FRMPD2: variants seen among roughly 807,000 people sequenced by gnomAD.
FRMPD2 encodes the protein FERM and PDZ domain-containing protein 2.
FRMPD2 carries 96 observed loss-of-function variants against 140.1 expected under a neutral mutation model. That is an observed-to-expected ratio of 0.69 (90% confidence interval 0.58 to 0.81). FRMPD2 has a LOEUF of 0.81. Among genes scored for constraint, FRMPD2 ranks in the 40% least tolerant of loss-of-function variants. The pLI is 0.00. For synonymous variants in FRMPD2, 449 were observed against 547.6 expected, an observed-to-expected ratio of 0.82 and a Z score of 2.52; for missense variants, 1,240 against 1,447.4, an observed-to-expected ratio of 0.86 and a Z score of 2.32.
intron 9 of FRMPD2, among the ~76,000 whole-genome samples, chr10:48,233,600 C>T (rs1402127981): frequency 6.6e-6 from 1 of 152,134 alleles, no homozygotes; most frequent in East Asian, 1.9e-4. Context: ...TCTGAAGCTG[C>T]CCTCTGGACA....
intron 14 of FRMPD2, among the ~76,000 whole-genome samples, chr10:48,202,279 G>T (rs1839104423): frequency 6.6e-6 from 1 of 152,054 alleles, no homozygotes; most frequent in African/African-American, 2.4e-5. Flanking sequence ...TAACTTTATA[G>T]AAACAGGGCT....
At chr10:48,208,963 C>T (rs912077231) in intron 13 of FRMPD2, among the ~76,000 whole-genome samples, 1 of 152,182 alleles carries the variant, frequency 6.6e-6, no homozygotes, top group African/African-American at 2.4e-5. Context: ...TCTTCTCTGA[C>T]CTTATAACTC....
At chr10:48,240,309 T>C in intron 6 of FRMPD2, 51 bp downstream of exon 6, 4 of 1,586,620 alleles carry the variant, frequency 2.5e-6, no homozygotes, top group Non-Finnish European at 2.6e-6. Context: ...CAGGAAAAAA[T>C]AGAATGGGTA....
intron 14 of FRMPD2, among the ~76,000 whole-genome samples, chr10:48,202,488 A>G (rs955115044): frequency 7.9e-5 from 12 of 152,332 alleles, no homozygotes; most frequent in Non-Finnish European, 1.3e-4. Context: ...CATTCTCTGT[A>G]TACTCTTTAC....
chr10:48,180,285 A>C (rs1320687658), intron 21 of FRMPD2, among the ~76,000 whole-genome samples: 1 of 152,210 alleles, frequency 6.6e-6, no homozygotes, highest in East Asian at 1.9e-4. Flanking sequence ...TGAGAAGACA[A>C]CACCACTGGG....
intron 13 of FRMPD2, among the ~76,000 whole-genome samples, chr10:48,211,653 G>A (rs1483735565): frequency 6.6e-6 from 1 of 151,892 alleles, no homozygotes; most frequent in Non-Finnish European, 1.5e-5. Flanking sequence ...ATGGTGGCAG[G>A]CGCCTGTAAT....
intron 21 of FRMPD2, among the ~76,000 whole-genome samples, chr10:48,180,488 A>G (rs577431423): frequency 1.3e-5 from 2 of 152,286 alleles, no homozygotes; most frequent in East Asian, 1.9e-4. Flanking sequence ...ATTGGCAGCA[A>G]TCAATTTCCT....
At chr10:48,201,424 C>T (rs1261262512) in intron 14 of FRMPD2, 40 bp from the exon 15 acceptor site, 1 of 1,586,024 alleles carries the variant, frequency 6.3e-7, no homozygotes, top group African/African-American at 1.3e-5. Context: ...ACTGATCATC[C>T]ACAACCCTCC....
Position 48,242,269 on chromosome 10 carries a change from C to A in FRMPD2, c.459G>T (p.Ser153=). Reference sequence around the variant, plus strand: ...CATGAACCCGACAAGCTTCCAGAACCGACTGCAACGTGCACCGCCTGTGAG... The same window carrying A: ...CATGAACCCGACAAGCTTCCAGAACAGACTGCAACGTGCACCGCCTGTGAG... The part of the protein sequence containing the change: ...DQPHRRCTLQ[S]VLEACRVHEK... Residue 153 remains serine (S), a synonymous_variant, in exon 5 of 29, where the codon TCG becomes TCT. Transcript: ENST00000374201. The A allele has an allele frequency of 6.2e-7, 1 of 1,614,094 alleles. No homozygotes were observed. The highest frequency in any genetic ancestry group is 1.7e-5 in the Admixed American group (1 of 60,012).
At chr10:48,160,325 G>A (rs1211861123) in intron 28 of FRMPD2, among the ~76,000 whole-genome samples, 1 of 151,726 alleles carries the variant, frequency 6.6e-6, no homozygotes, top group Non-Finnish European at 1.5e-5. Flanking sequence ...TGAACACTTT[G>A]GATTTGCTGT....
chr10:48,220,555 A>G (rs1839560213), intron 12 of FRMPD2, among the ~76,000 whole-genome samples: 1 of 152,212 alleles, frequency 6.6e-6, no homozygotes, highest in Non-Finnish European at 1.5e-5. Context: ...AAGAATCCAA[A>G]AGCAAATGTA....
At chr10:48,264,779 C>T (rs1840652042) in intron 1 of FRMPD2, among the ~76,000 whole-genome samples, 2 of 152,094 alleles carry the variant, frequency 1.3e-5, no homozygotes, top group Admixed American at 6.6e-5. Flanking sequence ...TGAATATCAA[C>T]AACTAATTCT....
chr10:48,221,367 A>G (rs1371555429), intron 12 of FRMPD2, among the ~76,000 whole-genome samples: 2 of 152,214 alleles, frequency 1.3e-5, no homozygotes, highest in African/African-American at 4.8e-5. Context: ...GTTCTCACTC[A>G]TAAGTGCGAG....
chr10:48,268,488 A>G (rs1433310772), intron 1 of FRMPD2, among the ~76,000 whole-genome samples: 1 of 152,264 alleles, frequency 6.6e-6, no homozygotes, highest in African/African-American at 2.4e-5. Flanking sequence ...GTGATAGCCA[A>G]AAACTGTTAA....
rs1840381980 is a variant in FRMPD2 at position 48,251,557 on chromosome 10, C to G, written c.151+9G>C. ...CCTGTGATTTGACTGCCCCCAAACA[C>G]TCTCTTACCGTTGCGGAGGTCTTCC... On this transcript the variant is annotated intron_variant, in intron 2 of 28. Transcript: ENST00000374201. 2 of 1,586,818 alleles carry G rather than the reference C, an allele frequency of 1.3e-6. No homozygotes were observed. The highest frequency in any genetic ancestry group is 2.2e-5 in the South Asian group (2 of 90,902).
At chr10:48,201,843 T>A (rs933834077) in intron 14 of FRMPD2, among the ~76,000 whole-genome samples, 3 of 152,188 alleles carry the variant, frequency 2.0e-5, no homozygotes, top group Non-Finnish European at 4.4e-5. Context: ...ATGTAGCAGG[T>A]TCTATTCTAA....
intron 7 of FRMPD2, 79 bp from the exon 8 acceptor site, chr10:48,238,202 G>A: frequency 9.5e-6 from 14 of 1,468,156 alleles, no homozygotes; most frequent in Non-Finnish European, 1.3e-5. Flanking sequence ...CCGCACAGGG[G>A]CTCAGTTGGG....
intron 1 of FRMPD2, among the ~76,000 whole-genome samples, chr10:48,272,201 C>A (rs979520814): frequency 3.8e-5 from 5 of 131,382 alleles, no homozygotes. Flanking sequence ...CTTCCTAATT[C>A]TTCCTTCGTG....
intron 9 of FRMPD2, among the ~76,000 whole-genome samples, chr10:48,233,636 G>C (rs1839903617): frequency 1.3e-5 from 2 of 152,164 alleles, no homozygotes; most frequent in Non-Finnish European, 2.9e-5. Flanking sequence ...TTTGGAATGT[G>C]TGTTTTCTGA....
Sources: allele counts gnomAD v4.1 joint callset (sites outside exome capture counted in the v4.1 genomes callset), GRCh38; gene constraint gnomAD v4.1.1; transcripts MANE v1.5; gene names NCBI Gene and HGNC (gene_info 2026-07-23, HGNC 2026-07-21).